SAMD5: variants seen among roughly 807,000 people sequenced by gnomAD.
The protein encoded by SAMD5 is sterile alpha motif domain-containing protein 5.
In SAMD5, 13 loss-of-function variants were observed where a neutral mutation model predicts 11.3. The observed-to-expected ratio is 1.15, with a 90% CI of 0.75 to 1.83. The LOEUF (loss-of-function observed/expected upper bound fraction) is 1.83, where lower values mean the gene tolerates loss of function less well. Among genes scored for constraint, SAMD5 ranks in the 40% most tolerant of loss-of-function variants. The pLI, the probability that SAMD5 is intolerant of heterozygous loss-of-function variation, is 0.00. For synonymous variants in SAMD5, 129 were observed against 111.3 expected (o/e 1.16, Z -1.00); for missense variants, 255 against 239.1 (o/e 1.07, Z -0.44).
chr6:147,568,695 T>C lies in SAMD5; in HGVS notation c.*4239T>C. 1 of 985,322 alleles carries C rather than the reference T, an allele frequency of 1.0e-6. No homozygotes were observed. Among genetic ancestry groups the C allele is most frequent in the Non-Finnish European group, 1.2e-6 (1 of 829,834 alleles). The allele number at this position is 985,322 out of a possible 1,614,324, so 61.0% of individuals were successfully genotyped here. On this transcript the variant is annotated 3_prime_UTR_variant, in exon 2 of 2. Transcript: ENST00000367474. ...AGAGCAGAGCAAATCTATTAGGCTT[T>C]CTCTTTTAGAGTTTTCTAATTTTAC...
At chr6:147,796,825 A>G in the SAMD5 span, among the ~76,000 whole-genome samples, 7 of 150,700 alleles carry the variant, frequency 4.6e-5, no homozygotes, top group Non-Finnish European at 1.0e-4. Context: ...TTCTCTTTGA[A>G]GCAATTGTGA....
the SAMD5 span, among the ~76,000 whole-genome samples, chr6:147,916,843 G>A: frequency 3.3e-5 from 5 of 150,712 alleles, no homozygotes; most frequent in South Asian, 1.1e-3. Flanking sequence ...TACTGAGAAT[G>A]ATGATTTCCA....
intron 1 of SAMD5, among the ~76,000 whole-genome samples, chr6:147,661,968 A>T (rs1790654760): frequency 1.3e-5 from 2 of 152,210 alleles, no homozygotes; most frequent in Non-Finnish European, 2.9e-5. Context: ...CTTGCCACTT[A>T]ATTTAAGTTC....
At chr6:147,896,755 A>AACACAAAAAACAAACAAAC in the SAMD5 span, among the ~76,000 whole-genome samples, 36 of 142,454 alleles carry the variant, frequency 2.5e-4, 1 homozygote, top group South Asian at 2.0e-3. Flanking sequence ...AAAAAAAAAA[A>AACACAAAAAACAAACAAAC]AAAAAAAACG....
intron 1 of SAMD5, among the ~76,000 whole-genome samples, chr6:147,710,082 C>G (rs147860655): frequency 6.6e-6 from 1 of 152,172 alleles, no homozygotes; most frequent in South Asian, 2.1e-4. Context: ...TCAGAAATAC[C>G]TGCAGTTGCA....
chr6:147,768,531 CAG>C, the SAMD5 span, among the ~76,000 whole-genome samples: 172 of 151,734 alleles, frequency 1.1e-3, 1 homozygote, highest in Middle Eastern at 0.017. Flanking sequence ...AACAAAAAAA[CAG>C]AAAAAAACAA....
chr6:147,935,035 T>C, the SAMD5 span, among the ~76,000 whole-genome samples: 2 of 152,118 alleles, frequency 1.3e-5, no homozygotes, highest in Admixed American at 6.5e-5. Flanking sequence ...ATTAAACAAA[T>C]GTATGACATT....
intron 1 of SAMD5, among the ~76,000 whole-genome samples, chr6:147,639,076 G>A (rs1362571869): frequency 9.2e-5 from 14 of 152,236 alleles, no homozygotes; most frequent in East Asian, 1.9e-4. Context: ...TAGACAAGGC[G>A]GAGTTAGTTA....
At chr6:147,777,799 T>C in the SAMD5 span, among the ~76,000 whole-genome samples, 8 of 152,200 alleles carry the variant, frequency 5.3e-5, no homozygotes, top group African/African-American at 1.7e-4. Flanking sequence ...TTTCACTTAG[T>C]ATAATGTATT....
chr6:147,943,478 C>G, the SAMD5 span, among the ~76,000 whole-genome samples: 39 of 152,184 alleles, frequency 2.6e-4, no homozygotes, highest in African/African-American at 8.9e-4. Flanking sequence ...CTTCCATCCT[C>G]CTCCTCCTCC....
chr6:147,913,605 A>G, the SAMD5 span, among the ~76,000 whole-genome samples: 1 of 152,170 alleles, frequency 6.6e-6, no homozygotes, highest in Admixed American at 6.5e-5. Context: ...CTGAGGCAGG[A>G]GAATCTCTTG....
intron 1 of SAMD5, among the ~76,000 whole-genome samples, chr6:147,541,169 C>T (rs1417065686): frequency 1.3e-5 from 2 of 151,914 alleles, no homozygotes; most frequent in Non-Finnish European, 2.9e-5. Context: ...AGGCTGGTTT[C>T]GAACTACTGA....
the SAMD5 span, among the ~76,000 whole-genome samples, chr6:147,785,366 G>T: frequency 6.6e-6 from 1 of 152,016 alleles, no homozygotes; most frequent in Non-Finnish European, 1.5e-5. Flanking sequence ...ACCCACCACT[G>T]CCCCCAATCA....
chr6:147,809,002 T>A, the SAMD5 span, among the ~76,000 whole-genome samples: 2 of 152,168 alleles, frequency 1.3e-5, no homozygotes, highest in South Asian at 4.1e-4. Context: ...GTTTATGATG[T>A]TAGGGCTTAA....
the SAMD5 span, among the ~76,000 whole-genome samples, chr6:147,885,908 C>A: frequency 6.6e-6 from 1 of 152,140 alleles, no homozygotes; most frequent in African/African-American, 2.4e-5. Flanking sequence ...AAAATTCTAC[C>A]ATATGTCTAA....
chr6:147,591,315 G>A (rs1398993969), intron 1 of SAMD5, among the ~76,000 whole-genome samples: 1 of 152,182 alleles, frequency 6.6e-6, no homozygotes, highest in Non-Finnish European at 1.5e-5. Flanking sequence ...GGCATATAAA[G>A]CTGCTTCAGA....
intron 1 of SAMD5, among the ~76,000 whole-genome samples, chr6:147,579,702 C>T (rs902169335): frequency 6.6e-6 from 1 of 152,100 alleles, no homozygotes; most frequent in Non-Finnish European, 1.5e-5. Context: ...GGTGATCCAC[C>T]TGCCTCGGCC....
chr6:147,602,353 C>T (rs1056904155), intron 1 of SAMD5, among the ~76,000 whole-genome samples: 1 of 152,090 alleles, frequency 6.6e-6, no homozygotes, highest in African/African-American at 2.4e-5. Flanking sequence ...TTCCAAATTA[C>T]CTATAGGGAT....
intron 1 of SAMD5, among the ~76,000 whole-genome samples, chr6:147,549,724 G>A (rs1055751892): frequency 5.3e-5 from 8 of 152,078 alleles, no homozygotes; most frequent in Admixed American, 1.3e-4. Flanking sequence ...GGGAGAACAT[G>A]ACTCATCACC....
Sources: allele counts gnomAD v4.1 joint callset (sites outside exome capture counted in the v4.1 genomes callset), GRCh38; gene constraint gnomAD v4.1.1; transcripts MANE v1.5; gene names NCBI Gene and HGNC (gene_info 2026-07-23, HGNC 2026-07-21).